Variants in KIFC3 observed in about 807,000 individuals in gnomAD.
The protein encoded by KIFC3 is kinesin family member C3.
In KIFC3, 60 loss-of-function variants were observed where a neutral mutation model predicts 101.8. The observed-to-expected ratio is 0.59, with a 90% CI of 0.48 to 0.73. KIFC3 has a LOEUF of 0.73. Ranked by LOEUF, KIFC3 falls within the 30% of genes least tolerant of loss-of-function variation. The pLI is 0.00. For synonymous variants in KIFC3, 476 were observed against 482.7 expected (o/e 0.99, Z 0.18); for missense variants, 966 against 1,137.1 (o/e 0.85, Z 2.16).
chr16:57,853,579 C>T (rs182543390), intron 1 of KIFC3, among the ~76,000 whole-genome samples: 165 of 152,246 alleles, frequency 1.1e-3, no homozygotes, highest in Middle Eastern at 6.8e-3. Context: ...TGTAAATAGT[C>T]TAAATACACC....
intron 3 of KIFC3, chr16:57,775,147 TG>T: frequency 1.5e-6 from 2 of 1,372,128 alleles, no homozygotes; most frequent in South Asian, 3.4e-5. Context: ...TGGGGGCTCC[TG>T]GGCTCTGTCC....
chr16:57,773,440 C>T (rs1330174821), intron 3 of KIFC3, among the ~76,000 whole-genome samples: 1 of 152,158 alleles, frequency 6.6e-6, no homozygotes, highest in Non-Finnish European at 1.5e-5. Flanking sequence ...TCTCATCTTT[C>T]AAGAGAGGCC....
At chr16:57,783,459 C>T (rs1203764363) in intron 3 of KIFC3, among the ~76,000 whole-genome samples, 2 of 132,710 alleles carry the variant, frequency 1.5e-5, no homozygotes, top group Admixed American at 8.2e-5. Context: ...CTCCACAAAG[C>T]CCATTTTCTT....
chr16:57,844,143 G>A (rs1327849933), intron 1 of KIFC3, among the ~76,000 whole-genome samples: 1 of 150,906 alleles, frequency 6.6e-6, no homozygotes, highest in Non-Finnish European at 1.5e-5. Context: ...TGATCTAAAG[G>A]CAGCGTAGGC....
intron 1 of KIFC3, among the ~76,000 whole-genome samples, chr16:57,819,031 G>T (rs1310411538): frequency 1.3e-5 from 2 of 152,248 alleles, no homozygotes; most frequent in South Asian, 4.2e-4. Flanking sequence ...GGTGTGGCAG[G>T]TGCTGTTCCT....
intron 1 of KIFC3, chr16:57,815,435 A>G (rs2055198059): frequency 8.4e-7 from 1 of 1,186,674 alleles, no homozygotes; most frequent in Non-Finnish European, 1.1e-6. Flanking sequence ...ATCCCCTCCA[A>G]GCATTTTCCA....
At chr16:57,851,170 C>A (rs1381330493) in intron 1 of KIFC3, among the ~76,000 whole-genome samples, 1 of 152,018 alleles carries the variant, frequency 6.6e-6, no homozygotes, top group East Asian at 1.9e-4. Context: ...GTCACCACAC[C>A]CGGCTAATGT....
At chr16:57,836,906 C>A (rs1004612109) in intron 1 of KIFC3, among the ~76,000 whole-genome samples, 17 of 152,136 alleles carry the variant, frequency 1.1e-4, no homozygotes, top group African/African-American at 3.9e-4. Flanking sequence ...ATAGCCCAGG[C>A]TGGTCTCAAA....
chr16:57,761,625 C>G, intron 13 of KIFC3, 89 bp from the exon 14 acceptor site: 1 of 1,498,270 alleles, frequency 6.7e-7, no homozygotes, highest in Middle Eastern at 1.8e-4. Flanking sequence ...GAATGTTCCC[C>G]CAACCCAGGA....
intron 9 of KIFC3, 108 bp from the exon 10 acceptor site, chr16:57,767,093 C>A: frequency 1.3e-6 from 1 of 767,184 alleles, no homozygotes. Context: ...GGCTGAGTAC[C>A]TGACACACGC....
chr16:57,769,752 G>T lies in KIFC3; in HGVS notation c.1088-27C>A. 6.2e-7 allele frequency: 1 copy of T among 1,612,736 alleles called. No homozygotes were observed. The highest frequency in any genetic ancestry group is 1.1e-5 in the South Asian group (1 of 91,044). On this transcript the variant is annotated intron_variant, in intron 8 of 19. Transcript: ENST00000445690. This position sits in a 1 kb window ranked among gnomAD's most constrained non-coding sequence, Gnocchi z 4.3. Reference sequence around the variant, plus strand: ...TATGGGGACACTCGGGCTGTGAGGCGGGAGGGGATGAGGGGCCGCGGCGTG... The same window carrying T: ...TATGGGGACACTCGGGCTGTGAGGCTGGAGGGGATGAGGGGCCGCGGCGTG...
intron 1 of KIFC3, among the ~76,000 whole-genome samples, chr16:57,843,202 C>G (rs1036170273): frequency 1.3e-4 from 20 of 152,134 alleles, no homozygotes; most frequent in African/African-American, 4.8e-4. Context: ...GTGCCAGGAA[C>G]TGTGTATAAA....
At chr16:57,857,831 T>TTC (rs2056208832) in intron 1 of KIFC3, among the ~76,000 whole-genome samples, 6 of 137,610 alleles carry the variant, frequency 4.4e-5, no homozygotes, top group Non-Finnish European at 9.4e-5. Flanking sequence ...TCTTTTTTTT[T>TTC]TTTTTTTTTT....
intron 1 of KIFC3, among the ~76,000 whole-genome samples, chr16:57,860,897 A>G (rs1280837928): frequency 1.3e-5 from 2 of 152,014 alleles, no homozygotes; most frequent in East Asian, 1.9e-4. Flanking sequence ...TCTTTTGTAA[A>G]GACAGGGTTT....
At chr16:57,827,229 G>A (rs1274137417) in intron 1 of KIFC3, among the ~76,000 whole-genome samples, 2 of 152,240 alleles carry the variant, frequency 1.3e-5, no homozygotes, top group African/African-American at 4.8e-5. Context: ...TGGCGTCAGC[G>A]AGCTCAGGGT....
chr16:57,760,586 G>A (rs2049722841), intron 16 of KIFC3, 140 bp downstream of exon 16: 1 of 1,067,024 alleles, frequency 9.4e-7, no homozygotes, highest in South Asian at 1.4e-5. Context: ...TGGAGAGGAG[G>A]GACTGGGAGT....
chr16:57,833,498 G>A (rs1477615677), intron 1 of KIFC3, among the ~76,000 whole-genome samples: 1 of 152,184 alleles, frequency 6.6e-6, no homozygotes, highest in East Asian at 1.9e-4. Context: ...CTCCATTGAG[G>A]CATCTGGGCA....
intron 1 of KIFC3, among the ~76,000 whole-genome samples, chr16:57,845,489 T>A (rs2055898779): frequency 1.3e-5 from 2 of 152,060 alleles, no homozygotes; most frequent in South Asian, 4.1e-4. Flanking sequence ...GCTCCAAACC[T>A]CCTATCCCTC....
At chr16:57,795,987 G>A (rs540774455) in intron 2 of KIFC3, among the ~76,000 whole-genome samples, 10 of 139,728 alleles carry the variant, frequency 7.2e-5, no homozygotes, top group East Asian at 4.7e-4. Flanking sequence ...TCCACCTCCC[G>A]GGTTCAAGCA....
Sources: allele counts gnomAD v4.1 joint callset (sites outside exome capture counted in the v4.1 genomes callset), GRCh38; gene constraint gnomAD v4.1.1; non-coding constraint Gnocchi (gnomAD v3.1); transcripts MANE v1.5; gene names NCBI Gene and HGNC (gene_info 2026-07-23, HGNC 2026-07-21).